Variants in CAST observed in about 807,000 individuals in gnomAD.
CAST encodes calpastatin, also known as MIR583 host.
In CAST, 76 loss-of-function variants were observed where a neutral mutation model predicts 119.6. That is an observed-to-expected ratio of 0.64 (90% confidence interval 0.53 to 0.77). The LOEUF is 0.77. Ranked by LOEUF, CAST falls within the 30% of genes least tolerant of loss-of-function variation. The pLI is 0.00. For synonymous variants in CAST, 319 were observed against 331.6 expected (o/e 0.96, Z 0.41); for missense variants, 953 against 946.5 (o/e 1.01, Z -0.09).
chr5:96,195,759 CCAAA>C, the CAST span, among the ~76,000 whole-genome samples: 3 of 151,988 alleles, frequency 2.0e-5, no homozygotes, highest in Non-Finnish European at 4.4e-5. Flanking sequence ...GCGCAAATTG[CCAAA>C]CAGATAACAT....
At chr5:96,560,251 T>C (rs79649977) in intron 1 of CAST, among the ~76,000 whole-genome samples, 50,852 of 151,200 alleles carry the variant, frequency 0.34, 9,196 homozygotes, top group Middle Eastern at 0.46. Context: ...ACCATAAAAA[T>C]GCTAGAAGAA....
At chr5:95,977,929 T>A in the CAST span, among the ~76,000 whole-genome samples, 1 of 152,134 alleles carries the variant, frequency 6.6e-6, no homozygotes, top group African/African-American at 2.4e-5. Context: ...TGCATTAGTT[T>A]GCTGGAGTCC....
chr5:96,675,318 C>G (rs954070526), intron 1 of CAST, among the ~76,000 whole-genome samples: 2 of 152,138 alleles, frequency 1.3e-5, no homozygotes, highest in African/African-American at 2.4e-5. Context: ...AGCTCTGCAT[C>G]TAGTTAATTA....
chr5:95,964,472 G>GT, the CAST span, among the ~76,000 whole-genome samples: 546 of 152,328 alleles, frequency 3.6e-3, 3 homozygotes, highest in African/African-American at 0.013. Context: ...AACCAGTATA[G>GT]TCAAAGCAAA....
chr5:96,495,840 T>C, the CAST span, among the ~76,000 whole-genome samples: 1 of 152,234 alleles, frequency 6.6e-6, no homozygotes, highest in African/African-American at 2.4e-5. Context: ...GTGGGAAGAT[T>C]TGAAAATTAA....
At chr5:96,310,295 T>C in the CAST span, among the ~76,000 whole-genome samples, 52 of 152,302 alleles carry the variant, frequency 3.4e-4, 2 homozygotes, top group Admixed American at 1.6e-3. Context: ...TTGATCATGG[T>C]GTGTGATCCT....
At chr5:96,617,022 C>T (rs764019036) in intron 1 of CAST, among the ~76,000 whole-genome samples, 12 of 152,182 alleles carry the variant, frequency 7.9e-5, no homozygotes, top group Middle Eastern at 6.8e-3. Context: ...TGTCTTAATC[C>T]GTTGACACAT....
the CAST span, among the ~76,000 whole-genome samples, chr5:96,277,705 C>T: frequency 8.0e-5 from 12 of 150,488 alleles, no homozygotes; most frequent in Non-Finnish European, 1.8e-4. Flanking sequence ...TGAGTGTGTG[C>T]TAAAAATATA....
the CAST span, among the ~76,000 whole-genome samples, chr5:96,135,021 C>A: frequency 6.6e-6 from 1 of 152,192 alleles, no homozygotes; most frequent in East Asian, 1.9e-4. Flanking sequence ...AACACAAGTC[C>A]TGTGGCAGGA....
intron 26 of CAST, among the ~76,000 whole-genome samples, chr5:96,765,526 C>T (rs768420080): frequency 6.6e-6 from 1 of 152,046 alleles, no homozygotes; most frequent in African/African-American, 2.4e-5. Context: ...ACCAGCGGAG[C>T]CTCCCTGAGG....
the CAST span, among the ~76,000 whole-genome samples, chr5:96,244,914 G>A: frequency 1.3e-5 from 2 of 152,134 alleles, no homozygotes; most frequent in Admixed American, 1.3e-4. Flanking sequence ...ATGTTTTAGA[G>A]TGAGGTGGCA....
the CAST span, among the ~76,000 whole-genome samples, chr5:96,437,144 G>C: frequency 6.6e-6 from 1 of 152,110 alleles, no homozygotes; most frequent in Non-Finnish European, 1.5e-5. Flanking sequence ...CTATAGAAAT[G>C]GAAGTAAAAG....
the CAST span, among the ~76,000 whole-genome samples, chr5:96,142,041 C>A: frequency 3.3e-5 from 5 of 152,134 alleles, no homozygotes; most frequent in Non-Finnish European, 7.4e-5. Flanking sequence ...CCAGAAAGAA[C>A]AAAGGAAAAT....
the CAST span, among the ~76,000 whole-genome samples, chr5:96,019,279 A>G: frequency 1.3e-5 from 2 of 152,230 alleles, no homozygotes; most frequent in South Asian, 2.1e-4. Context: ...AAGAAATATC[A>G]TAGTTTCTGA....
At chr5:96,061,799 T>C in the CAST span, among the ~76,000 whole-genome samples, 1 of 151,948 alleles carries the variant, frequency 6.6e-6, no homozygotes, top group Non-Finnish European at 1.5e-5. Flanking sequence ...GGGAGAAGAA[T>C]ACAGATGCAC....
At chr5:96,701,698 G>A (rs900748738) in intron 3 of CAST, among the ~76,000 whole-genome samples, 4 of 151,638 alleles carry the variant, frequency 2.6e-5, no homozygotes, top group South Asian at 2.1e-4. Flanking sequence ...GCAGCTACTC[G>A]GGAAGCTGAG....
At chr5:96,176,189 G>A in the CAST span, among the ~76,000 whole-genome samples, 4 of 152,208 alleles carry the variant, frequency 2.6e-5, no homozygotes, top group South Asian at 2.1e-4. Context: ...AAAGGCCTTC[G>A]GAGAGAGAGA....
At chr5:96,611,970 G>A (rs1747371537) in intron 1 of CAST, among the ~76,000 whole-genome samples, 1 of 152,124 alleles carries the variant, frequency 6.6e-6, no homozygotes, top group South Asian at 2.1e-4. Context: ...GCAGAGAAAA[G>A]GGAACACCTA....
chr5:96,463,750 A>G, the CAST span, among the ~76,000 whole-genome samples: 2 of 151,908 alleles, frequency 1.3e-5, no homozygotes, highest in East Asian at 3.9e-4. Flanking sequence ...ACCCCCTTCC[A>G]TCTGTCTCTG....
Sources: allele counts gnomAD v4.1 joint callset (sites outside exome capture counted in the v4.1 genomes callset), GRCh38; gene constraint gnomAD v4.1.1; transcripts MANE v1.5; gene names NCBI Gene and HGNC (gene_info 2026-07-23, HGNC 2026-07-21).